The following SPOCK3 variants were observed in gnomAD, a reference collection of about 807,000 sequenced individuals.
SPOCK3 encodes the protein testican-3.
A neutral mutation model predicts 56.6 loss-of-function variants in SPOCK3; 30 were observed. The observed-to-expected ratio is 0.53, with a 90% CI of 0.40 to 0.72. The LOEUF (loss-of-function observed/expected upper bound fraction) is 0.72. Among genes scored for constraint, SPOCK3 ranks in the 30% least tolerant of loss-of-function variants. The probability of loss-of-function intolerance (pLI) is 0.00; values close to 1 mark genes in which losing one functional copy is unlikely to be tolerated. For missense variants in SPOCK3, 527 were observed against 530.0 expected (o/e 0.99, Z 0.06); for synonymous variants, 196 against 183.3 (o/e 1.07, Z -0.56).
chr4:166,849,621 C>T (rs1036620913), intron 6 of SPOCK3, among the ~76,000 whole-genome samples: 7 of 151,922 alleles, frequency 4.6e-5, no homozygotes, highest in African/African-American at 1.7e-4. Flanking sequence ...TAAAATTTAC[C>T]AGCATCATCA....
chr4:167,195,917 G>A (rs992964866), intron 2 of SPOCK3, among the ~76,000 whole-genome samples: 2 of 152,126 alleles, frequency 1.3e-5, no homozygotes, highest in Non-Finnish European at 2.9e-5. Context: ...AGTTACTATT[G>A]CTGGGGGAAA....
intron 6 of SPOCK3, among the ~76,000 whole-genome samples, chr4:166,819,886 A>T (rs1433583195): frequency 6.6e-6 from 1 of 151,864 alleles, no homozygotes; most frequent in Non-Finnish European, 1.5e-5. Flanking sequence ...TGCCCAGATT[A>T]ATATTTATAA....
At chr4:166,817,347 G>A (rs1744480947) in intron 6 of SPOCK3, among the ~76,000 whole-genome samples, 2 of 151,978 alleles carry the variant, frequency 1.3e-5, no homozygotes, top group Admixed American at 1.3e-4. Flanking sequence ...TTACTCTCAA[G>A]GGAGACACTT....
intron 6 of SPOCK3, among the ~76,000 whole-genome samples, chr4:166,840,090 A>G (rs940714306): frequency 4.1e-4 from 62 of 152,350 alleles, no homozygotes; most frequent in African/African-American, 1.3e-3. Context: ...GTCTATCCCA[A>G]TGCAGAATTC....
At chr4:167,011,586 G>A (rs1329943652) in intron 3 of SPOCK3, among the ~76,000 whole-genome samples, 2 of 152,090 alleles carry the variant, frequency 1.3e-5, no homozygotes, top group Non-Finnish European at 1.5e-5. Flanking sequence ...CAGGATCAAT[G>A]TTGTTAAAAT....
chr4:167,217,225 G>A (rs1735449091), intron 2 of SPOCK3, among the ~76,000 whole-genome samples: 2 of 152,046 alleles, frequency 1.3e-5, no homozygotes. Flanking sequence ...GGTTATTTCA[G>A]TTAAAAATTG....
chr4:166,927,706 T>A (rs1031147608), intron 4 of SPOCK3, among the ~76,000 whole-genome samples: 1 of 152,052 alleles, frequency 6.6e-6, no homozygotes, highest in Admixed American at 6.5e-5. Context: ...GTATGATCCA[T>A]GAAAGAAAGA....
At chr4:166,811,117 AT>A (rs1338091347) in intron 6 of SPOCK3, among the ~76,000 whole-genome samples, 2 of 151,596 alleles carry the variant, frequency 1.3e-5, no homozygotes, top group Non-Finnish European at 3.0e-5. Context: ...TCATTTGTGC[AT>A]TTCTTCTATT....
At chr4:166,826,837 T>C (rs1262804955) in intron 6 of SPOCK3, among the ~76,000 whole-genome samples, 1 of 152,086 alleles carries the variant, frequency 6.6e-6, no homozygotes, top group Non-Finnish European at 1.5e-5. Flanking sequence ...AAGTTAGGTC[T>C]GATCCACCTC....
chr4:166,846,352 A>G (rs986206052), intron 6 of SPOCK3, among the ~76,000 whole-genome samples: 2 of 152,176 alleles, frequency 1.3e-5, no homozygotes, highest in Non-Finnish European at 2.9e-5. Flanking sequence ...TGTAAAAAAT[A>G]CATGATATAA....
intron 2 of SPOCK3, among the ~76,000 whole-genome samples, chr4:167,188,894 C>T (rs1387498519): frequency 6.9e-6 from 1 of 145,852 alleles, no homozygotes; most frequent in Non-Finnish European, 1.5e-5. Context: ...AAAGTTCAGA[C>T]AAGAAAAGAG....
chr4:166,845,608 G>C (rs771941872), intron 6 of SPOCK3, among the ~76,000 whole-genome samples: 5 of 152,150 alleles, frequency 3.3e-5, no homozygotes, highest in Non-Finnish European at 5.9e-5. Flanking sequence ...CCAGAGGGTA[G>C]AAAACAGGGT....
At chr4:166,923,251 T>A (rs1046654004) in intron 4 of SPOCK3, among the ~76,000 whole-genome samples, 5 of 152,228 alleles carry the variant, frequency 3.3e-5, no homozygotes, top group Non-Finnish European at 7.3e-5. Context: ...AGGATACATG[T>A]GATTACATTT....
chr4:167,134,274 C>T (rs1762936603), intron 2 of SPOCK3, among the ~76,000 whole-genome samples: 1 of 151,870 alleles, frequency 6.6e-6, no homozygotes, highest in Admixed American at 6.6e-5. Context: ...TACAGGCGAT[C>T]TGCCTGCCTC....
rs1733947242 is a variant in SPOCK3, at chr4:166,733,558, C to CAA, written c.*1362_*1363insTT. ...ATTGTATACTGGGAAACCAGTTTAC[C>CAA]CACTGTTGAAATTAAAGATACCAAT... On this transcript the variant is annotated 3_prime_UTR_variant, in exon 11 of 11. Transcript: ENST00000357545. The CAA allele has an allele frequency of 6.6e-6, 1 of 151,480 alleles. No homozygotes were observed. The highest frequency in any genetic ancestry group is 2.1e-4 in the South Asian group (1 of 4,802). The allele number at this position is 151,480 out of a possible 1,614,324, so 9.4% of individuals were successfully genotyped here.
At chr4:166,963,227 T>G (rs988130954) in intron 4 of SPOCK3, among the ~76,000 whole-genome samples, 2 of 152,020 alleles carry the variant, frequency 1.3e-5, no homozygotes, top group Non-Finnish European at 2.9e-5. Flanking sequence ...ATTACTAAAA[T>G]TAGTTAAGTA....
chr4:167,174,559 A>G (rs1228497632), intron 2 of SPOCK3, among the ~76,000 whole-genome samples: 1 of 152,106 alleles, frequency 6.6e-6, no homozygotes, highest in Non-Finnish European at 1.5e-5. Flanking sequence ...GTTTTAAAGG[A>G]CCAGTCAGGT....
chr4:167,126,533 G>C (rs1762298066), intron 2 of SPOCK3, among the ~76,000 whole-genome samples: 1 of 151,516 alleles, frequency 6.6e-6, no homozygotes, highest in Non-Finnish European at 1.5e-5. Flanking sequence ...TGGGCAACAA[G>C]AGTCAAACTC....
chr4:166,740,843 T>C (rs2126387729), intron 9 of SPOCK3, among the ~76,000 whole-genome samples: 1 of 152,258 alleles, frequency 6.6e-6, no homozygotes, highest in Middle Eastern at 3.4e-3. Flanking sequence ...ATTATTTTCA[T>C]TTGTGAGCTG....
Sources: gnomAD v4.1 joint callset for allele counts (sites outside exome capture counted in the v4.1 genomes callset) on GRCh38, gnomAD v4.1.1 for gene constraint, MANE v1.5 for transcripts, NCBI Gene and HGNC (gene_info 2026-07-23, HGNC 2026-07-21) for gene names.